Variants in REV3L observed in about 807,000 individuals in gnomAD.
REV3L encodes the protein REV3 like, DNA directed polymerase zeta catalytic subunit.
A neutral mutation model predicts 299.4 loss-of-function variants in REV3L; 69 were observed. The observed-to-expected ratio is 0.23, with a 90% CI of 0.19 to 0.28. REV3L has a LOEUF of 0.28. REV3L is among the 10% of genes least tolerant of loss of function. REV3L has a pLI of 1.00. For synonymous variants in REV3L, 1,238 were observed against 1,271.4 expected, an observed-to-expected ratio of 0.97 and a Z score of 0.56; for missense variants, 3,128 against 3,693.8, an observed-to-expected ratio of 0.85 and a Z score of 3.97.
At chr6:111,461,133 T>A (rs1409301798) in intron 1 of REV3L, among the ~76,000 whole-genome samples, 1 of 152,070 alleles carries the variant, frequency 6.6e-6, no homozygotes, top group Non-Finnish European at 1.5e-5. Context: ...CTCAGGTAAG[T>A]CCTTCAGGAG....
chr6:111,465,056 GA>G (rs1490320504), intron 1 of REV3L, among the ~76,000 whole-genome samples: 1 of 150,484 alleles, frequency 6.6e-6, no homozygotes, highest in East Asian at 2.0e-4. Context: ...CACACTAAAG[GA>G]AAGGGTAAAA....
intron 1 of REV3L, among the ~76,000 whole-genome samples, chr6:111,457,230 T>C (rs2128322033): frequency 6.6e-6 from 1 of 152,176 alleles, no homozygotes; most frequent in Admixed American, 6.5e-5. Context: ...TGATAATAGG[T>C]AATACTCTTT....
intron 1 of REV3L, among the ~76,000 whole-genome samples, chr6:111,480,842 T>G (rs1218280162): frequency 2.7e-5 from 4 of 149,990 alleles, no homozygotes; most frequent in East Asian, 1.9e-4. Context: ...GTTTTTGTTT[T>G]TTTTTTTTTT....
chr6:111,336,517 A>G (rs1019841072), intron 21 of REV3L, among the ~76,000 whole-genome samples: 5 of 152,194 alleles, frequency 3.3e-5, no homozygotes, highest in Admixed American at 6.5e-5. Context: ...AAAAAAGATA[A>G]TAACAGTATA....
chr6:111,424,945 G>C (rs1450809090), intron 1 of REV3L, among the ~76,000 whole-genome samples: 1 of 152,156 alleles, frequency 6.6e-6, no homozygotes, highest in Admixed American at 6.5e-5. Context: ...GCTTGGAAAA[G>C]CTTTGATACA....
Position 111,475,348 on chromosome 6 carries a change from T to C in REV3L, c.139+7402A>G, listed in dbSNP as rs528967978. On this transcript the variant is annotated intron_variant, in intron 1 of 31. Transcript: ENST00000368802. ...TTCTTAGATATTTATTTGACATATATGCAAAATCTTCTAGAGAATAAAATC... is the reference window on the plus strand; with the variant it reads ...TTCTTAGATATTTATTTGACATATACGCAAAATCTTCTAGAGAATAAAATC... Among the ~76,000 whole-genome samples, 218 of 152,318 alleles carry C rather than the reference T, an allele frequency of 1.4e-3. 1 individual carries two copies. The highest frequency in any genetic ancestry group is 4.9e-3 in the African/African-American group (205 of 41,586).
chr6:111,460,316 T>A (rs934580997), intron 1 of REV3L: 3 of 152,028 alleles, frequency 2.0e-5, no homozygotes, highest in Non-Finnish European at 4.4e-5. Flanking sequence ...AGTACTATGC[T>A]CACTTCCTAG....
At chr6:111,361,503 G>GTA (rs1554203644) in intron 16 of REV3L, 1 of 151,414 alleles carries the variant, frequency 6.6e-6, no homozygotes, top group Non-Finnish European at 1.5e-5. Flanking sequence ...GGTTAAAAGG[G>GTA]TCTTAGAGGT....
chr6:111,391,173 C>T (rs1193441252), intron 5 of REV3L, among the ~76,000 whole-genome samples: 1 of 151,146 alleles, frequency 6.6e-6, no homozygotes, highest in Non-Finnish European at 1.5e-5. Context: ...TCAAGCGATT[C>T]TCCTGCCTCA....
chr6:111,304,859 TTC>T (rs1245978373), intron 31 of REV3L, among the ~76,000 whole-genome samples: 3 of 152,112 alleles, frequency 2.0e-5, no homozygotes, highest in Non-Finnish European at 4.4e-5. Flanking sequence ...GTATTTGGTT[TTC>T]TGTTTCTGCG....
intron 20 of REV3L, among the ~76,000 whole-genome samples, chr6:111,348,750 A>G (rs1461077546): frequency 6.6e-6 from 1 of 152,214 alleles, no homozygotes; most frequent in South Asian, 2.1e-4. Context: ...CCTGAGCTCA[A>G]GTGATTCTCC....
intron 1 of REV3L, among the ~76,000 whole-genome samples, chr6:111,465,759 A>AAC (rs1323945698): frequency 1.3e-5 from 2 of 151,118 alleles, no homozygotes; most frequent in African/African-American, 4.9e-5. Context: ...AAAAAAAAAA[A>AAC]AAAAAAACTT....
chr6:111,327,553 C>CA (rs59319946), intron 25 of REV3L, among the ~76,000 whole-genome samples: 6,582 of 70,404 alleles, frequency 0.093, 435 homozygotes, highest in African/African-American at 0.25. Context: ...GACGCTGTTT[C>CA]AAAAAAAAAA....
intron 18 of REV3L, among the ~76,000 whole-genome samples, chr6:111,356,407 A>G (rs190264420): frequency 3.3e-4 from 50 of 152,218 alleles, no homozygotes; most frequent in Non-Finnish European, 6.2e-4. Context: ...ATTTTTTTTC[A>G]TAAACTTGGA....
intron 1 of REV3L, among the ~76,000 whole-genome samples, chr6:111,479,387 T>TA (rs1793336977): frequency 6.6e-6 from 1 of 152,146 alleles, no homozygotes; most frequent in South Asian, 2.1e-4. Context: ...TTTTGTTTTT[T>TA]AAAAAATTCC....
chr6:111,460,658 C>T (rs1420735017), intron 1 of REV3L, among the ~76,000 whole-genome samples: 1 of 138,546 alleles, frequency 7.2e-6, no homozygotes, highest in Non-Finnish European at 1.6e-5. Flanking sequence ...TGATACCAGA[C>T]AGAAAACTTG....
At chr6:111,371,558 CTTT>C (rs1032722759) in intron 13 of REV3L, among the ~76,000 whole-genome samples, 1 of 137,610 alleles carries the variant, frequency 7.3e-6, no homozygotes, top group Non-Finnish European at 1.6e-5. Context: ...GCCCAGCTAT[CTTT>C]TTTTTTTTTT....
intron 1 of REV3L, among the ~76,000 whole-genome samples, chr6:111,447,963 C>T (rs1789051424): frequency 6.6e-6 from 1 of 152,114 alleles, no homozygotes. Flanking sequence ...CACACAAAAT[C>T]CTTACTTTAA....
intron 1 of REV3L, among the ~76,000 whole-genome samples, chr6:111,439,955 A>G (rs565309773): frequency 1.3e-3 from 200 of 152,332 alleles, no homozygotes; most frequent in African/African-American, 4.6e-3. Context: ...ACCTCTTGCC[A>G]GTGGACTATG....
Sources: allele counts gnomAD v4.1 joint callset (sites outside exome capture counted in the v4.1 genomes callset), GRCh38; gene constraint gnomAD v4.1.1; transcripts MANE v1.5; gene names NCBI Gene and HGNC (gene_info 2026-07-23, HGNC 2026-07-21).